Variants in CCDC178 observed in about 807,000 individuals in gnomAD.
CCDC178 encodes coiled-coil domain containing 178, also known as coiled-coil domain-containing protein 178.
CCDC178 carries 126 observed loss-of-function variants against 117.4 expected under a neutral mutation model. The observed-to-expected ratio is 1.07, with a 90% CI of 0.93 to 1.24. The LOEUF is 1.24. Ranked by LOEUF, CCDC178 falls within the 50% of genes most tolerant of loss-of-function variation. The pLI is 0.00. For synonymous variants in CCDC178, 283 were observed against 313.4 expected (o/e 0.90, Z 1.02); for missense variants, 1,030 against 986.9 (o/e 1.04, Z -0.59).
chr18:33,033,719 C>A (rs1567945610), intron 21 of CCDC178, among the ~76,000 whole-genome samples: 3 of 151,916 alleles, frequency 2.0e-5, no homozygotes, highest in African/African-American at 7.2e-5. Flanking sequence ...TCATCTTTTC[C>A]CTGTTTGTAT....
intron 21 of CCDC178, among the ~76,000 whole-genome samples, chr18:33,066,022 T>G (rs1038534643): frequency 4.0e-5 from 6 of 151,874 alleles, no homozygotes; most frequent in Non-Finnish European, 7.4e-5. Context: ...CCATCACGCC[T>G]GGCTAATTTT....
chr18:33,358,268 T>C (rs1482935956), intron 6 of CCDC178, among the ~76,000 whole-genome samples: 1 of 151,922 alleles, frequency 6.6e-6, no homozygotes, highest in Admixed American at 6.6e-5. Flanking sequence ...ATGTTTAAAA[T>C]CCCAATAGAT....
At chr18:33,158,017 C>G (rs577654386) in intron 20 of CCDC178, among the ~76,000 whole-genome samples, 43 of 152,174 alleles carry the variant, frequency 2.8e-4, no homozygotes, top group African/African-American at 9.6e-4. Context: ...TGTTCTTAGA[C>G]TAACTGGAAT....
chr18:33,412,856 A>G (rs1159589257), intron 2 of CCDC178, among the ~76,000 whole-genome samples: 2 of 152,188 alleles, frequency 1.3e-5, no homozygotes, highest in Admixed American at 1.3e-4. Flanking sequence ...ATAGCATTTA[A>G]GTGAAATGTC....
rs144786802 is a variant in CCDC178, at chr18:33,067,279, C to G, written c.2388+25482G>C. 5.2e-3 allele frequency among the ~76,000 whole-genome samples: 795 copies of G among 152,190 alleles called. 7 individuals carry two copies. The highest frequency in any genetic ancestry group is 6.1e-3 in the Non-Finnish European group (417 of 67,998). ...CATTAGCTCAATAAATAAATTAAGA[C>G]AGATGTCAAAAAATCTCCTAAAACA... On this transcript the variant is annotated intron_variant, in intron 21 of 22. Transcript: ENST00000383096.
chr18:33,021,728 G>A (rs560901554), intron 21 of CCDC178, among the ~76,000 whole-genome samples: 3 of 146,910 alleles, frequency 2.0e-5, no homozygotes, highest in Non-Finnish European at 4.4e-5. Flanking sequence ...TCTCAGGGAA[G>A]TTCCCAGTGA....
chr18:33,422,823 C>T (rs1431332272), intron 2 of CCDC178, among the ~76,000 whole-genome samples: 2 of 152,090 alleles, frequency 1.3e-5, no homozygotes, highest in East Asian at 3.9e-4. Flanking sequence ...TACAGATTTG[C>T]CTGGAAGTTC....
chr18:33,425,303 T>A (rs1030850758), intron 2 of CCDC178, among the ~76,000 whole-genome samples: 31 of 152,156 alleles, frequency 2.0e-4, no homozygotes, highest in African/African-American at 4.3e-4. Context: ...ACAAAAATTT[T>A]AAAAAAACCT....
chr18:33,076,681 G>A (rs191424039), intron 21 of CCDC178, among the ~76,000 whole-genome samples: 86 of 152,192 alleles, frequency 5.7e-4, no homozygotes, highest in African/African-American at 1.3e-3. Flanking sequence ...TAGTCAGCTC[G>A]TGGTGTGTGT....
intron 21 of CCDC178, among the ~76,000 whole-genome samples, chr18:33,008,042 C>T (rs1462965808): frequency 6.6e-6 from 1 of 152,082 alleles, no homozygotes; most frequent in Non-Finnish European, 1.5e-5. Flanking sequence ...TTATGTCAAA[C>T]ATTCTGATGA....
At chr18:33,398,925 T>C (rs2063675137) in intron 3 of CCDC178, among the ~76,000 whole-genome samples, 2 of 152,238 alleles carry the variant, frequency 1.3e-5, no homozygotes, top group African/African-American at 4.8e-5. Context: ...AAAGATACTT[T>C]AATTAACAAT....
At chr18:33,412,643 T>C (rs1013165250) in intron 2 of CCDC178, among the ~76,000 whole-genome samples, 5 of 152,156 alleles carry the variant, frequency 3.3e-5, no homozygotes, top group Admixed American at 3.3e-4. Context: ...CTACTTCTGA[T>C]AATGGTTAAG....
At chr18:33,246,911 G>C (rs761441550) in intron 14 of CCDC178, among the ~76,000 whole-genome samples, 3 of 151,894 alleles carry the variant, frequency 2.0e-5, no homozygotes, top group Non-Finnish European at 4.4e-5. Flanking sequence ...TGATCACTGG[G>C]AATCAGAAAA....
At chr18:33,219,988 A>T (rs747029392) in intron 18 of CCDC178, among the ~76,000 whole-genome samples, 22 of 152,088 alleles carry the variant, frequency 1.4e-4, no homozygotes, top group Non-Finnish European at 2.9e-4. Context: ...TTCACGAGTT[A>T]GAAATGTTAG....
At chr18:33,049,851 G>T (rs576005363) in intron 21 of CCDC178, among the ~76,000 whole-genome samples, 5 of 151,688 alleles carry the variant, frequency 3.3e-5, no homozygotes, top group Non-Finnish European at 4.4e-5. Context: ...GGGAGGCCGA[G>T]GGGGGTGGAT....
chr18:33,177,687 A>G (rs951483969), intron 20 of CCDC178, among the ~76,000 whole-genome samples: 4 of 152,190 alleles, frequency 2.6e-5, no homozygotes, highest in African/African-American at 9.6e-5. Flanking sequence ...ATAAGCTATA[A>G]TGAATTTGTC....
At chr18:33,208,647 T>C (rs1229318010) in intron 20 of CCDC178, among the ~76,000 whole-genome samples, 1 of 152,094 alleles carries the variant, frequency 6.6e-6, no homozygotes, top group Non-Finnish European at 1.5e-5. Flanking sequence ...ATATACAAAT[T>C]GTGATAATCT....
chr18:33,433,790 T>TTGTG (rs5823897), intron 2 of CCDC178, among the ~76,000 whole-genome samples: 14,833 of 149,302 alleles, frequency 0.099, 805 homozygotes, highest in East Asian at 0.19. Flanking sequence ...ATAGCAGAAT[T>TTGTG]TGTGTGTGTG....
At position 33,353,663 on chromosome 18, in the gene CCDC178, T is replaced by C. The variant is rs528280386; in HGVS notation, c.371+2661A>G. Among the ~76,000 whole-genome samples, 6 of 152,220 alleles carry C rather than the reference T, an allele frequency of 3.9e-5. No individual in the cohort carries two copies. In the South Asian group the frequency reaches 1.2e-3, roughly 32 times the overall value. ...TCAATAGTATACCTATCTATTTATA[T>C]ATAAAGAACTCTGTTCCTTTATGTC... On this transcript the variant is annotated intron_variant, in intron 7 of 22. Transcript: ENST00000383096.
Sources: gnomAD v4.1 joint callset for allele counts (sites outside exome capture counted in the v4.1 genomes callset) on GRCh38, gnomAD v4.1.1 for gene constraint, MANE v1.5 for transcripts, NCBI Gene and HGNC (gene_info 2026-07-23, HGNC 2026-07-21) for gene names.